ZFPM2: variants seen among roughly 807,000 people sequenced by gnomAD.
ZFPM2 encodes the protein zinc finger protein, FOG family member 2, also known as zinc finger protein ZFPM2.
A neutral mutation model predicts 98.6 loss-of-function variants in ZFPM2; 20 were observed. That is an observed-to-expected ratio of 0.20 (90% CI 0.14 to 0.29). The LOEUF (loss-of-function observed/expected upper bound fraction) is 0.29, where lower values mean the gene tolerates loss of function less well. Among genes scored for constraint, ZFPM2 ranks in the 10% least tolerant of loss-of-function variants. ZFPM2 has a pLI of 1.00. For missense variants in ZFPM2, 1,310 were observed against 1,388.6 expected (o/e 0.94, Z 0.90); for synonymous variants, 518 against 502.7 (o/e 1.03, Z -0.41).
intron 4 of ZFPM2, among the ~76,000 whole-genome samples, chr8:105,633,575 G>C (rs1042802002): frequency 5.3e-5 from 8 of 152,130 alleles, no homozygotes; most frequent in African/African-American, 1.9e-4. Flanking sequence ...TATAGCACTT[G>C]TCTCCGTGCT....
At chr8:105,369,733 T>C (rs1810581212) in intron 1 of ZFPM2, among the ~76,000 whole-genome samples, 1 of 152,184 alleles carries the variant, frequency 6.6e-6, no homozygotes, top group Admixed American at 6.5e-5. Context: ...GTAACTTTTC[T>C]ATCCAGTAGG....
chr8:105,596,720 G>T (rs1437721629), intron 4 of ZFPM2, among the ~76,000 whole-genome samples: 1 of 146,292 alleles, frequency 6.8e-6, no homozygotes, highest in Non-Finnish European at 1.5e-5. Flanking sequence ...AGGTCTCTGG[G>T]TAAGGCTGCC....
At chr8:105,608,026 C>G (rs569091816) in intron 4 of ZFPM2, among the ~76,000 whole-genome samples, 2 of 152,088 alleles carry the variant, frequency 1.3e-5, no homozygotes, top group Non-Finnish European at 2.9e-5. Flanking sequence ...GAGATCATGT[C>G]TTGTGGGAAC....
intron 1 of ZFPM2, among the ~76,000 whole-genome samples, chr8:105,365,455 T>A (rs1315596217): frequency 1.3e-5 from 2 of 152,222 alleles, no homozygotes; most frequent in Non-Finnish European, 2.9e-5. Context: ...ATATTCAATT[T>A]CAATATTTAA....
intron 3 of ZFPM2, among the ~76,000 whole-genome samples, chr8:105,491,287 T>C (rs888392179): frequency 3.3e-5 from 5 of 152,096 alleles, no homozygotes; most frequent in Non-Finnish European, 7.4e-5. Context: ...GAAGAGTACA[T>C]TAAGAAGCAC....
At chr8:105,441,531 G>T (rs1167050766) in intron 2 of ZFPM2, among the ~76,000 whole-genome samples, 1 of 147,354 alleles carries the variant, frequency 6.8e-6, no homozygotes, top group Non-Finnish European at 1.5e-5. Context: ...CGGTGTTGGA[G>T]TCTATAGGAG....
intron 1 of ZFPM2, among the ~76,000 whole-genome samples, chr8:105,340,652 T>C (rs2957444): frequency 0.45 from 67,751 of 151,726 alleles, 16,996 homozygotes; most frequent in Middle Eastern, 0.6. Flanking sequence ...TTATTTTGTA[T>C]AGTTTTATTT....
intron 3 of ZFPM2, among the ~76,000 whole-genome samples, chr8:105,445,259 T>G (rs1301323406): frequency 1.1e-4 from 17 of 152,168 alleles, no homozygotes; most frequent in Non-Finnish European, 2.9e-5. Context: ...GAAAATATAA[T>G]GCAAACAAAA....
At chr8:105,525,381 A>C (rs181644139) in intron 3 of ZFPM2, among the ~76,000 whole-genome samples, 1 of 152,324 alleles carries the variant, frequency 6.6e-6, no homozygotes, top group African/African-American at 2.4e-5. Flanking sequence ...AAGATATTTT[A>C]AAAGATGATA....
At chr8:105,776,015 T>C (rs1184960406) in intron 5 of ZFPM2, among the ~76,000 whole-genome samples, 1 of 152,072 alleles carries the variant, frequency 6.6e-6, no homozygotes, top group Non-Finnish European at 1.5e-5. Flanking sequence ...CTCTGTTTAC[T>C]TTCCCGAAAG....
intron 3 of ZFPM2, among the ~76,000 whole-genome samples, chr8:105,498,895 C>T (rs553467273): frequency 2.0e-5 from 3 of 152,272 alleles, no homozygotes; most frequent in African/African-American, 7.2e-5. Flanking sequence ...ATATCTGTCT[C>T]ATGGGAGCTG....
intron 3 of ZFPM2, among the ~76,000 whole-genome samples, chr8:105,515,309 C>G (rs1002033467): frequency 6.6e-6 from 1 of 152,208 alleles, no homozygotes; most frequent in Non-Finnish European, 1.5e-5. Context: ...TTTCCATCCT[C>G]TCTTCAAGAG....
rs576176009 is a variant in ZFPM2 at position 105,459,526 on chromosome 8, G to A, written c.301+15145G>A. ...TCCCATAATGTAATACCACAGACTG[G>A]GTGGATTAAACAACAATAATTTTTT... On this transcript the variant is annotated intron_variant, in intron 3 of 7. Transcript: ENST00000407775. Among the ~76,000 whole-genome samples, 4 of 152,246 alleles carry A rather than the reference G, an allele frequency of 2.6e-5. No homozygotes were observed. The South Asian group carries it at 8.3e-4, about 32-fold the overall frequency.
intron 5 of ZFPM2, among the ~76,000 whole-genome samples, chr8:105,656,502 C>T (rs1817288827): frequency 6.6e-6 from 1 of 152,114 alleles, no homozygotes; most frequent in African/African-American, 2.4e-5. Flanking sequence ...ATCAGTATTA[C>T]GTCCCTAGGC....
intron 5 of ZFPM2, among the ~76,000 whole-genome samples, chr8:105,688,786 A>G (rs911597708): frequency 2.0e-5 from 3 of 152,194 alleles, no homozygotes; most frequent in African/African-American, 7.2e-5. Context: ...CTTTGTGAAT[A>G]CATTACACTC....
chr8:105,769,881 G>A (rs1812943776), intron 5 of ZFPM2, among the ~76,000 whole-genome samples: 1 of 151,516 alleles, frequency 6.6e-6, no homozygotes, highest in Non-Finnish European at 1.5e-5. Flanking sequence ...ATGTACGAAG[G>A]GAAAAAAATA....
At chr8:105,469,479 C>G (rs1249605901) in intron 3 of ZFPM2, among the ~76,000 whole-genome samples, 2 of 152,110 alleles carry the variant, frequency 1.3e-5, no homozygotes, top group Non-Finnish European at 2.9e-5. Flanking sequence ...GCCCATTGCT[C>G]TCCAGCTGGT....
intron 3 of ZFPM2, among the ~76,000 whole-genome samples, chr8:105,494,568 T>A (rs1410387068): frequency 2.0e-5 from 3 of 152,086 alleles, no homozygotes; most frequent in Non-Finnish European, 4.4e-5. Flanking sequence ...TCTATATCCT[T>A]GACATTTTCC....
chr8:105,444,329 G>T lies in ZFPM2; in HGVS notation c.249G>T (p.Gln83His). The T allele has an allele frequency of 1.2e-6, 2 of 1,612,556 alleles. No individual in the cohort carries two copies. The highest frequency in any genetic ancestry group is 1.3e-5 in the African/African-American group (1 of 75,050). ...CAGCAGAATCAGATGGGGACACACA[G>T]TCAGAGAAACCGGGGCAACCTGGAG... The part of the protein sequence containing the change: ...QETAESDGDT[Q>H]SEKPGQPGVE... Residue 83 changes from glutamine (Q) to histidine (H), a missense_variant, in exon 3 of 8, where the codon CAG becomes CAT. By Grantham distance (24) the Gln-to-His change is conservative. Transcript: ENST00000407775.
Sources: allele counts gnomAD v4.1 joint callset (sites outside exome capture counted in the v4.1 genomes callset), GRCh38; gene constraint gnomAD v4.1.1; transcripts MANE v1.5; gene names NCBI Gene and HGNC (gene_info 2026-07-23, HGNC 2026-07-21).